Variants in TPCN2 observed in about 807,000 individuals in gnomAD.
TPCN2 encodes the protein two pore segment channel 2.
In TPCN2, 92 loss-of-function variants were observed where a neutral mutation model predicts 111.4. The observed-to-expected ratio is 0.83, with a 90% CI of 0.70 to 0.98. The LOEUF (loss-of-function observed/expected upper bound fraction) is 0.98. Among genes scored for constraint, TPCN2 ranks in the 50% least tolerant of loss-of-function variants. TPCN2 has a pLI of 0.00. For synonymous variants in TPCN2, 405 were observed against 414.5 expected (o/e 0.98, Z 0.28); for missense variants, 995 against 980.1 (o/e 1.02, Z -0.20).
chr11:69,084,597 CAG>C (rs1197604610), intron 19 of TPCN2: 4 of 985,400 alleles, frequency 4.1e-6, no homozygotes, highest in East Asian at 2.3e-4. Context: ...CCGCGCCGTG[CAG>C]AGTGACAGGA....
chr11:69,067,859 A>C (rs1855341403), intron 8 of TPCN2, among the ~76,000 whole-genome samples: 1 of 146,152 alleles, frequency 6.8e-6, no homozygotes, highest in African/African-American at 2.6e-5. Flanking sequence ...TTGCTTTCTC[A>C]CTCCCTCCTC....
chr11:69,052,877 CT>C (rs1021897743), intron 1 of TPCN2, among the ~76,000 whole-genome samples: 6 of 152,240 alleles, frequency 3.9e-5, no homozygotes, highest in Admixed American at 1.3e-4. Context: ...CGAGTCTCAA[CT>C]GAAAAAGCAG....
At chr11:69,080,371 C>T (rs910835883) in intron 17 of TPCN2, among the ~76,000 whole-genome samples, 20 of 152,346 alleles carry the variant, frequency 1.3e-4, no homozygotes, top group African/African-American at 4.8e-4. Context: ...GCTAGGGGCC[C>T]GGGGCTCACT....
At position 69,055,077 on chromosome 11, in the gene TPCN2, G is replaced by A. The variant is rs185329045; in HGVS notation, c.252-98G>A. On this transcript the variant is annotated intron_variant, in intron 3 of 24. Transcript: ENST00000294309. ...TCACGAGTGTCCACGCTCAGGCAGC[G>A]CCAACTCCCGTGCTTCGGACTGGGG... The A allele has an allele frequency of 2.9e-4, 379 of 1,325,408 alleles. 4 individuals are homozygous for A. The East Asian group carries it at 8.4e-3, about 30-fold the overall frequency. The allele number at this position is 1,325,408 out of a possible 1,614,324, so 82.1% of individuals were successfully genotyped here.
At position 69,055,810 on chromosome 11, in the gene TPCN2, A is replaced by T. The variant is rs1054808291; in HGVS notation, c.429+458A>T. On this transcript the variant is annotated intron_variant, in intron 4 of 24. Coordinates refer to ENST00000294309, the MANE Select transcript of TPCN2 (RefSeq NM_139075.4). ...CCTCTGGGAACAGTCCAGTGTCTGC[A>T]GTGCTGCTGTGAGGAGAGGTCCCAA... 5.3e-5 allele frequency among the ~76,000 whole-genome samples: 8 copies of T among 152,346 alleles called. No individual in the cohort carries two copies. The East Asian group carries it at 1.3e-3, about 26-fold the overall frequency.
rs1314741696 is a variant in TPCN2 at position 69,077,283 on chromosome 11, C to T, written c.1231-1199C>T. Reference sequence around the variant, plus strand: ...TCCACCTGCCCTCCTGCCCTCCTGCCATGTCCCTCCACTTGCCCTCCTGCC... The same window carrying T: ...TCCACCTGCCCTCCTGCCCTCCTGCTATGTCCCTCCACTTGCCCTCCTGCC... On this transcript the variant is annotated intron_variant, in intron 13 of 24. Transcript: ENST00000294309. 2.4e-3 allele frequency among the ~76,000 whole-genome samples: 75 copies of T among 31,644 alleles called. 12 individuals carry two copies. The highest frequency in any genetic ancestry group is 2.6e-3 in the Non-Finnish European group (34 of 13,064). 20.8% of individuals were successfully genotyped at this position (31,644 alleles called of 152,430 possible). A position where few individuals can be genotyped will look rare whatever the true frequency, so the allele number is the denominator to read the frequency against.
At chr11:69,056,184 C>T (rs968755186) in intron 4 of TPCN2, among the ~76,000 whole-genome samples, 5 of 152,224 alleles carry the variant, frequency 3.3e-5, no homozygotes, top group African/African-American at 7.2e-5. Context: ...CCCTCCTCAG[C>T]GCCAGCCCTG....
chr11:69,054,596 C>A (rs896723475), intron 2 of TPCN2, 125 bp from the exon 3 acceptor site: 1 of 899,136 alleles, frequency 1.1e-6, no homozygotes, highest in Non-Finnish European at 1.8e-6. Flanking sequence ...CATGTCCACA[C>A]GCTGAAGCGT....
At chr11:69,079,585 T>G in intron 16 of TPCN2, 1 of 492,634 alleles carries the variant, frequency 2.0e-6, no homozygotes, top group Non-Finnish European at 3.6e-6. Flanking sequence ...CTTGACTCAG[T>G]ATCTTCTCTG....
intron 1 of TPCN2, 105 bp from the exon 2 acceptor site, chr11:69,053,928 C>A: frequency 1.0e-6 from 1 of 992,514 alleles, no homozygotes; most frequent in Non-Finnish European, 1.5e-6. Flanking sequence ...TTACAAACGG[C>A]CTTGGGAAGA....
chr11:69,055,180 T>C lies in TPCN2; in HGVS notation c.257T>C (p.Leu86Ser). Residue 86 changes from leucine to serine, a missense_variant, in exon 4 of 25, where the codon TTG becomes TCG. Leu to Ser is a moderately radical substitution (Grantham distance 145). Coordinates refer to ENST00000294309, the MANE Select transcript of TPCN2 (RefSeq NM_139075.4). ...TGTTTCTGTCCCCTTTCCAGGACTT[T>C]GAGCTTCACCATCTTCTTGATCCTG... ...RYYSNVCQRT[L>S]SFTIFLILFL... 1 of 1,613,914 alleles carries C rather than the reference T, an allele frequency of 6.2e-7. No individual in the cohort carries two copies. The highest frequency in any genetic ancestry group is 8.5e-7 in the Non-Finnish European group (1 of 1,179,866).
At chr11:69,073,317 C>T (rs535745398) in intron 13 of TPCN2, among the ~76,000 whole-genome samples, 1 of 152,376 alleles carries the variant, frequency 6.6e-6, no homozygotes, top group South Asian at 2.1e-4. Flanking sequence ...ACACACTGGT[C>T]CTCTCCAAGG....
chr11:69,065,186 T>TG (rs1054416386), intron 7 of TPCN2, among the ~76,000 whole-genome samples: 1 of 152,076 alleles, frequency 6.6e-6, no homozygotes, highest in African/African-American at 2.4e-5. Context: ...CTGTGGGTGG[T>TG]GGGGGCAGCT....
Position 69,066,140 on chromosome 11 carries a change from T to C in TPCN2, c.727-1363T>C, listed in dbSNP as rs3019747. ...AAGCCTGGCCCTAAACCTTGCTCCA[T>C]GGGCGCTCGGTGGGTTGCTTTACAT... On this transcript the variant is annotated intron_variant, in intron 7 of 24. Coordinates refer to ENST00000294309, the MANE Select transcript of TPCN2 (RefSeq NM_139075.4). 8.2e-3 allele frequency among the ~76,000 whole-genome samples: 1,254 copies of C among 152,134 alleles called. 13 individuals carry two copies. Among genetic ancestry groups the C allele is most frequent in the African/African-American group, 0.029 (1,189 of 41,528 alleles).
At chr11:69,050,381 C>T (rs2134504548) in intron 1 of TPCN2, among the ~76,000 whole-genome samples, 1 of 152,274 alleles carries the variant, frequency 6.6e-6, no homozygotes, top group South Asian at 2.1e-4. Context: ...CTTAACCTTT[C>T]TGTTTCTTTT....
intron 7 of TPCN2, among the ~76,000 whole-genome samples, chr11:69,066,957 A>G (rs1290145794): frequency 6.6e-6 from 1 of 151,956 alleles, no homozygotes; most frequent in African/African-American, 2.4e-5. Flanking sequence ...GAGGATAGGG[A>G]CTCCGGTGTG....
intron 10 of TPCN2, among the ~76,000 whole-genome samples, 173 bp from the exon 11 acceptor site, chr11:69,071,750 A>G (rs546908107): frequency 6.6e-6 from 1 of 151,812 alleles, no homozygotes; most frequent in South Asian, 2.1e-4. Flanking sequence ...CGGGAGTCTG[A>G]CCAATCCTCT....
At chr11:69,063,819 C>G in intron 6 of TPCN2, 76 bp from the exon 7 acceptor site, 1 of 1,446,756 alleles carries the variant, frequency 6.9e-7, no homozygotes, top group South Asian at 1.2e-5. Context: ...GCTCCTGTCA[C>G]CGAGCCCTGC....
At chr11:69,063,222 C>T (rs531786096) in intron 6 of TPCN2, among the ~76,000 whole-genome samples, 7 of 151,860 alleles carry the variant, frequency 4.6e-5, no homozygotes, top group African/African-American at 1.7e-4. Flanking sequence ...GGGCTGCAAA[C>T]ACCGCGGCCC....
Sources: gnomAD v4.1 joint callset for allele counts (sites outside exome capture counted in the v4.1 genomes callset) on GRCh38, gnomAD v4.1.1 for gene constraint, MANE v1.5 for transcripts, NCBI Gene and HGNC (gene_info 2026-07-23, HGNC 2026-07-21) for gene names.